The following LHFPL1 variants were observed in gnomAD, a reference collection of about 807,000 sequenced individuals.
The protein encoded by LHFPL1 is LHFPL tetraspan subfamily member 1 protein.
Under a neutral mutation model 12.1 loss-of-function variants are expected in LHFPL1, and 4 were observed. The observed-to-expected ratio is 0.33, with a 90% CI of 0.16 to 0.76. The LOEUF is 0.76. LHFPL1 is among the 30% of genes least tolerant of loss of function. LHFPL1 has a pLI of 0.61. For synonymous variants in LHFPL1, 52 were observed against 61.9 expected (o/e 0.84, Z 0.75); for missense variants, 141 against 174.1 (o/e 0.81, Z 1.07).
At chrX:112,662,546 G>C (rs1458122416) in intron 2 of LHFPL1, among the ~76,000 whole-genome samples, 1 of 112,256 alleles carries the variant, frequency 8.9e-6, no homozygotes, top group African/African-American at 3.2e-5. Context: ...ATAGCAAGAA[G>C]GATTTAAATA....
At chrX:112,657,161 A>G (rs761819165) in intron 3 of LHFPL1, among the ~76,000 whole-genome samples, 9 of 112,531 alleles carry the variant, frequency 8.0e-5, no homozygotes, top group Non-Finnish European at 1.5e-4. Context: ...AAAGCATAAA[A>G]CAATTCTGTG....
chrX:112,634,772 A>AC (rs1392188703), intron 3 of LHFPL1, among the ~76,000 whole-genome samples: 1 of 110,740 alleles, frequency 9.0e-6, no homozygotes, highest in African/African-American at 3.3e-5. Context: ...TCCTATTGCC[A>AC]CCCCAAGTGC....
intron 3 of LHFPL1, among the ~76,000 whole-genome samples, chrX:112,658,665 A>G (rs1931084668): frequency 9.0e-6 from 1 of 111,218 alleles, no homozygotes; most frequent in African/African-American, 3.3e-5. Flanking sequence ...AATTGAAACC[A>G]TTGTACATTG....
chrX:112,654,574 T>G (rs1301077553), intron 3 of LHFPL1, among the ~76,000 whole-genome samples: 1 of 109,782 alleles, frequency 9.1e-6, no homozygotes, highest in Non-Finnish European at 1.9e-5. Context: ...TTAAAAATTA[T>G]ATTTATATTT....
intron 3 of LHFPL1, among the ~76,000 whole-genome samples, chrX:112,645,838 T>C (rs894004803): frequency 8.9e-6 from 1 of 112,081 alleles, no homozygotes; most frequent in East Asian, 2.8e-4. Context: ...ATGAAAAGCA[T>C]TGCACTTGAC....
At position 112,642,357 on chromosome X, in the gene LHFPL1, T is replaced by A. The variant is rs950235890; in HGVS notation, c.482-10756A>T. 4.0e-5 allele frequency among the ~76,000 whole-genome samples: 4 copies of A among 99,808 alleles called. No homozygotes were observed. The Admixed American group carries it at 4.3e-4, about 11-fold the overall frequency. 86.7% of individuals were successfully genotyped at this position (99,808 alleles called of 115,157 possible). A position where few individuals can be genotyped will look rare whatever the true frequency, so the allele number is the denominator to read the frequency against. ...GAAGCCCCGTCTCAACAAAAAATATTAAAAAAAATAAATAAAAATTTATAT... is the reference window on the plus strand; with the variant it reads ...GAAGCCCCGTCTCAACAAAAAATATAAAAAAAAATAAATAAAAATTTATAT... On this transcript the variant is annotated intron_variant, in intron 3 of 3. Transcript: ENST00000371968.
chrX:112,637,660 T>C (rs1930383040), intron 3 of LHFPL1, among the ~76,000 whole-genome samples: 2 of 112,168 alleles, frequency 1.8e-5, no homozygotes, highest in Admixed American at 9.4e-5. Flanking sequence ...GGTAAGTCTG[T>C]CTTTTGAGTG....
At chrX:112,646,362 G>GA (rs1384353647) in intron 3 of LHFPL1, among the ~76,000 whole-genome samples, 1 of 84,775 alleles carries the variant, frequency 1.2e-5, no homozygotes, top group Non-Finnish European at 2.3e-5. Flanking sequence ...GGGAGGGGGG[G>GA]TGCGGGGGCT....
intron 3 of LHFPL1, among the ~76,000 whole-genome samples, chrX:112,636,768 C>T (rs1930351872): frequency 8.9e-6 from 1 of 112,173 alleles, no homozygotes; most frequent in Admixed American, 9.4e-5. Flanking sequence ...AAGTACCTGG[C>T]TAAAGACGTC....
rs189786934 is a variant in LHFPL1, at chrX:112,673,626, C to T, written c.-14-2222G>A. On this transcript the variant is annotated intron_variant, in intron 1 of 3. Transcript: ENST00000371968. The stretch of plus-strand genomic sequence containing the variant: ...CCATTATTATATGTGCTCTGCCCAA[C>T]GGTCTTCTTAGGTTAGTAAGAAAGA... Among the ~76,000 whole-genome samples the T allele has an allele frequency of 5.4e-5, 6 of 111,675 alleles. No individual in the cohort carries two copies. In the East Asian group the frequency reaches 1.7e-3, roughly 31 times the overall value.
intron 3 of LHFPL1, among the ~76,000 whole-genome samples, chrX:112,650,477 G>T: frequency 9.0e-6 from 1 of 111,709 alleles, no homozygotes; most frequent in Middle Eastern, 4.6e-3. Flanking sequence ...GGTCACCTTT[G>T]TCTGACTGAC....
intron 1 of LHFPL1, among the ~76,000 whole-genome samples, chrX:112,674,205 T>C (rs1258847318): frequency 1.8e-5 from 2 of 111,743 alleles, no homozygotes; most frequent in Non-Finnish European, 3.8e-5. Context: ...GACATCCTTT[T>C]CAACAACTAG....
chrX:112,671,833 G>A (rs918007932), intron 1 of LHFPL1, among the ~76,000 whole-genome samples: 1 of 111,713 alleles, frequency 9.0e-6, no homozygotes, highest in South Asian at 3.8e-4. Context: ...AGCTTGGAAG[G>A]AGGCAATATC....
chrX:112,665,871 G>A (rs182672334), intron 2 of LHFPL1, among the ~76,000 whole-genome samples: 102 of 111,901 alleles, frequency 9.1e-4, no homozygotes, highest in African/African-American at 3.2e-3. Flanking sequence ...CACCACAGCT[G>A]CCTTCAACTT....
At chrX:112,667,752 G>A (rs776242221) in intron 2 of LHFPL1, among the ~76,000 whole-genome samples, 1 of 111,935 alleles carries the variant, frequency 8.9e-6, no homozygotes, top group South Asian at 3.8e-4. Context: ...TTGGAGCAGG[G>A]CATGGAGGTC....
chrX:112,677,201 T>A (rs1439533275), intron 1 of LHFPL1, among the ~76,000 whole-genome samples: 3 of 111,991 alleles, frequency 2.7e-5, no homozygotes, highest in Non-Finnish European at 5.6e-5. Context: ...CACTTGAGCT[T>A]GTTGTGCAAC....
In LHFPL1 at chrX:112,637,211, T is replaced by C. The variant is rs12688700; in HGVS notation, c.482-5610A>G. 6.2e-5 allele frequency among the ~76,000 whole-genome samples: 7 copies of C among 112,433 alleles called. No homozygotes were observed. The East Asian group carries it at 2.0e-3, about 31-fold the overall frequency. On this transcript the variant is annotated intron_variant, in intron 3 of 3. Transcript: ENST00000371968. The stretch of plus-strand genomic sequence containing the variant: ...GGCCTGACATTTAAATCAAGACACG[T>C]TGCTTTTATTCCAAGTTGCACATCA...
intron 2 of LHFPL1, among the ~76,000 whole-genome samples, chrX:112,666,275 C>T (rs1278148700): frequency 9.0e-6 from 1 of 111,379 alleles, no homozygotes; most frequent in Non-Finnish European, 1.9e-5. Flanking sequence ...CTCAGCTTTC[C>T]CTTCCTAGGG....
At chrX:112,659,004 C>A (rs995485387) in intron 3 of LHFPL1, among the ~76,000 whole-genome samples, 16 of 111,891 alleles carry the variant, frequency 1.4e-4, no homozygotes, top group Non-Finnish European at 3.8e-5. Context: ...ACTTCTCGCT[C>A]AGTGAAAAAG....
Sources: gnomAD v4.1 joint callset for allele counts (sites outside exome capture counted in the v4.1 genomes callset) on GRCh38, gnomAD v4.1.1 for gene constraint, MANE v1.5 for transcripts, NCBI Gene and HGNC (gene_info 2026-07-23, HGNC 2026-07-21) for gene names.